BRD8: variants seen among roughly 807,000 people sequenced by gnomAD.
BRD8 encodes bromodomain-containing protein 8.
A neutral mutation model predicts 143.1 loss-of-function variants in BRD8; 67 were observed. That is an observed-to-expected ratio of 0.47 (90% CI 0.38 to 0.57). BRD8 has a LOEUF of 0.57. Among genes scored for constraint, BRD8 ranks in the 20% least tolerant of loss-of-function variants. BRD8 has a pLI of 0.00. For missense variants in BRD8, 1,103 were observed against 1,503.0 expected (o/e 0.73, Z 4.40); for synonymous variants, 505 against 517.1 (o/e 0.98, Z 0.32).
At chr5:138,145,041 TA>T in intron 25 of BRD8, 135 bp downstream of exon 25, 1 of 899,954 alleles carries the variant, frequency 1.1e-6, no homozygotes, top group South Asian at 1.6e-5. Context: ...GAGCTCATCA[TA>T]ACTTTATAAA....
chr5:138,145,970 G>T, intron 23 of BRD8, 92 bp from the exon 24 acceptor site: 2 of 929,726 alleles, frequency 2.2e-6, no homozygotes, highest in Non-Finnish European at 1.7e-6. Context: ...CTTAAGACAT[G>T]CTCCTAATTA....
chr5:138,163,646 G>C, intron 14 of BRD8: 1 of 1,397,884 alleles, frequency 7.2e-7, no homozygotes, highest in Non-Finnish European at 9.4e-7. Flanking sequence ...CTCTGACCCT[G>C]GGTACAAAGT....
chr5:138,166,234 A>G (rs1753409588), intron 10 of BRD8, 126 bp from the exon 11 acceptor site: 2 of 723,050 alleles, frequency 2.8e-6, no homozygotes, highest in Non-Finnish European at 4.7e-6. Context: ...AGAGTCATCA[A>G]CATGTGCCTA....
chr5:138,164,562 G>C, intron 12 of BRD8, 149 bp from the exon 13 acceptor site: 3 of 1,120,596 alleles, frequency 2.7e-6, no homozygotes, highest in Non-Finnish European at 3.9e-6. Flanking sequence ...ACAGGAATAA[G>C]TATATATAAC....
At chr5:138,156,137 T>C (rs955467881) in intron 20 of BRD8, among the ~76,000 whole-genome samples, 3 of 131,996 alleles carry the variant, frequency 2.3e-5, no homozygotes, top group Non-Finnish European at 3.4e-5. Context: ...TCCCAAAGTG[T>C]TGGGCTATTT....
In BRD8 at chr5:138,144,350, C is replaced by G. The variant is rs990481407; in HGVS notation, c.3437+827G>C. 3.6e-4 allele frequency among the ~76,000 whole-genome samples: 55 copies of G among 152,126 alleles called. 1 individual carries two copies. The highest frequency in any genetic ancestry group is 2.6e-4 in the Admixed American group (4 of 15,278). The stretch of plus-strand genomic sequence containing the variant: ...ACATCTGAACATCCGAAGGAACAAA[C>G]TCTGGACACACCATCTTTAAGAACT... On this transcript the variant is annotated intron_variant, in intron 25 of 26. Coordinates refer to ENST00000254900, the MANE Select transcript of BRD8 (RefSeq NM_139199.2).
intron 6 of BRD8, 24 bp downstream of exon 6, chr5:138,170,793 AAAGAAAGAAGCACAG>A (rs762238556): frequency 7.7e-6 from 12 of 1,561,512 alleles, no homozygotes; most frequent in African/African-American, 1.4e-5. Context: ...AAGAGGGTAA[AAAGAAAGAAGCACAG>A]AAGAACAATA....
intron 11 of BRD8, 43 bp downstream of exon 11, chr5:138,165,785 T>C (rs758487186): frequency 1.9e-6 from 3 of 1,579,248 alleles, no homozygotes; most frequent in Admixed American, 3.6e-5. Context: ...GAGAAGCCTA[T>C]GTAGGACCCA....
At chr5:138,175,724 G>T (rs1334093228) in intron 2 of BRD8, among the ~76,000 whole-genome samples, 3 of 149,050 alleles carry the variant, frequency 2.0e-5, no homozygotes, top group Non-Finnish European at 4.5e-5. Flanking sequence ...TTCAGCCTGG[G>T]CAACATGGCA....
intron 20 of BRD8, among the ~76,000 whole-genome samples, chr5:138,158,337 G>A (rs889610183): frequency 1.3e-5 from 2 of 152,170 alleles, no homozygotes; most frequent in African/African-American, 2.4e-5. Flanking sequence ...CAGAGTCAGA[G>A]CCAGTTAATT....
chr5:138,165,964 A>C lies in BRD8; in HGVS notation c.1142T>G (p.Val381Gly). The change falls in exon 11 of 27, where the codon GTT becomes GGT. Residue 381 changes from valine (V) to glycine (G), a missense_variant. Val to Gly is a moderately radical substitution (Grantham distance 109). Transcript: ENST00000254900. ...CFRSGVAEAPVGSKAPSIDGK... is the reference protein window; with the variant it reads ...CFRSGVAEAPGGSKAPSIDGK... ...ATCTATGCTGGGAGCCTTTGATCCA[A>C]CAGGAGCCTCTGCTACCCCTGATCG... is the stretch of plus-strand genomic sequence containing the variant. 6.2e-7 allele frequency: 1 copy of C among 1,614,206 alleles called. No individual in the cohort carries two copies. Among genetic ancestry groups the C allele is most frequent in the Non-Finnish European group, 8.5e-7 (1 of 1,180,038 alleles).
In BRD8 at chr5:138,149,683, G is replaced by T; in HGVS notation, c.3235C>A (p.Pro1079Thr). Residue 1079 changes from proline (P) to threonine (T), a missense_variant, in exon 23 of 27, where the codon CCC becomes ACC. Coordinates refer to ENST00000254900, the MANE Select transcript of BRD8 (RefSeq NM_139199.2). ...TGGCTGAAAAGTGTATCCACCAAGGGAGTCTCCTTAATGTTAAAGGCATCA... is the reference window on the plus strand; with the variant it reads ...TGGCTGAAAAGTGTATCCACCAAGGTAGTCTCCTTAATGTTAAAGGCATCA... ...CDDAFNIKET[P>T]LVDTLFSHAT... 1 of 1,613,182 alleles carries T rather than the reference G, an allele frequency of 6.2e-7. No individual in the cohort carries two copies. Among genetic ancestry groups the T allele is most frequent in the Middle Eastern group, 1.7e-4 (1 of 6,058 alleles).
At position 138,164,078 on chromosome 5, in the gene BRD8, C is replaced by G; in HGVS notation, c.1872+9G>C. The G allele has an allele frequency of 6.2e-7, 1 of 1,613,268 alleles. No individual in the cohort carries two copies. Among genetic ancestry groups the G allele is most frequent in the Non-Finnish European group, 8.5e-7 (1 of 1,179,274 alleles). On this transcript the variant is annotated intron_variant, in intron 14 of 26. Coordinates refer to ENST00000254900, the MANE Select transcript of BRD8 (RefSeq NM_139199.2). ...CATGGCAAGAGGAATAAAGAAAAGT[C>G]TGAAATACCTTTATCTGGCTTCCAA...
chr5:138,152,402 G>A, intron 21 of BRD8, 80 bp downstream of exon 21: 1 of 1,539,506 alleles, frequency 6.5e-7, no homozygotes, highest in Non-Finnish European at 8.8e-7. Flanking sequence ...AATATTAAGA[G>A]TGGTAGAAGC....
intron 21 of BRD8, among the ~76,000 whole-genome samples, chr5:138,151,483 A>C (rs961500151): frequency 6.6e-6 from 1 of 152,228 alleles, no homozygotes; most frequent in African/African-American, 2.4e-5. Flanking sequence ...AGGTAATGAC[A>C]CTTAAAAATA....
intron 3 of BRD8, 104 bp from the exon 4 acceptor site, chr5:138,171,514 A>G (rs764658845): frequency 1.4e-5 from 11 of 764,800 alleles, no homozygotes; most frequent in Non-Finnish European, 2.0e-5. Flanking sequence ...GAAGAGAACT[A>G]TATGTAAGAC....
intron 20 of BRD8, among the ~76,000 whole-genome samples, chr5:138,155,756 G>A (rs115952134): frequency 6.6e-6 from 1 of 151,924 alleles, no homozygotes; most frequent in African/African-American, 2.4e-5. Context: ...TGATCTCCTG[G>A]GCTCAAGTGA....
At chr5:138,145,119 A>T in intron 25 of BRD8, 58 bp downstream of exon 25, 1 of 1,501,212 alleles carries the variant, frequency 6.7e-7, no homozygotes, top group Middle Eastern at 1.7e-4. Context: ...ATGGGAAATA[A>T]AAAATGAAAA....
intron 7 of BRD8, among the ~76,000 whole-genome samples, chr5:138,169,581 C>T (rs1753707861): frequency 6.6e-6 from 1 of 152,186 alleles, no homozygotes; most frequent in Non-Finnish European, 1.5e-5. Context: ...TTAACAATCT[C>T]AAACTACTTA....
Sources: gnomAD v4.1 joint callset for allele counts (sites outside exome capture counted in the v4.1 genomes callset) on GRCh38, gnomAD v4.1.1 for gene constraint, MANE v1.5 for transcripts, NCBI Gene and HGNC (gene_info 2026-07-23, HGNC 2026-07-21) for gene names.